Variants in IL1RL2 observed in about 807,000 individuals in gnomAD.
IL1RL2 encodes the protein interleukin 1 receptor like 2.
Under a neutral mutation model 66.8 loss-of-function variants are expected in IL1RL2, and 68 were observed. That is an observed-to-expected ratio of 1.02 (90% CI 0.84 to 1.25). The LOEUF is 1.25. IL1RL2 is among the 50% of genes most tolerant of loss of function. IL1RL2 has a pLI of 0.00. For synonymous variants in IL1RL2, 305 were observed against 264.6 expected (o/e 1.15, Z -1.48); for missense variants, 729 against 709.3 (o/e 1.03, Z -0.32).
chr2:102,223,349 G>T (rs1322879199), intron 8 of IL1RL2, among the ~76,000 whole-genome samples: 3 of 152,112 alleles, frequency 2.0e-5, no homozygotes, highest in Admixed American at 6.5e-5. Context: ...CTGAAGCAGG[G>T]TCTCTAGAAG....
At chr2:102,219,179 C>T in intron 7 of IL1RL2, 97 bp downstream of exon 7, 1 of 1,351,308 alleles carries the variant, frequency 7.4e-7, no homozygotes, top group Non-Finnish European at 1.1e-6. Context: ...CTTGTTTTTG[C>T]CTCTCAATGA....
intron 4 of IL1RL2, among the ~76,000 whole-genome samples, chr2:102,195,573 C>CT (rs1222806978): frequency 7.2e-5 from 1 of 13,922 alleles, no homozygotes; most frequent in African/African-American, 2.5e-4. Context: ...TTCTTTCTTT[C>CT]TTTCTTTCTT....
chr2:102,212,254 T>G, intron 6 of IL1RL2, 80 bp downstream of exon 6: 1 of 1,042,394 alleles, frequency 9.6e-7, no homozygotes, highest in Admixed American at 1.8e-5. Context: ...ATATTTTGAA[T>G]GTTAAGGATG....
chr2:102,227,007 G>A (rs903667821), intron 9 of IL1RL2, among the ~76,000 whole-genome samples: 1 of 152,218 alleles, frequency 6.6e-6, no homozygotes, highest in African/African-American at 2.4e-5. Flanking sequence ...GTTTGGCATA[G>A]AAATGCCTCA....
intron 11 of IL1RL2, among the ~76,000 whole-genome samples, chr2:102,236,390 C>G (rs189272372): frequency 1.3e-5 from 2 of 152,062 alleles, no homozygotes; most frequent in Non-Finnish European, 2.9e-5. Context: ...GCTGTGCCCT[C>G]GTTCACAGGC....
intron 2 of IL1RL2, 74 bp from the exon 3 acceptor site, chr2:102,189,001 TA>T (rs34996385): frequency 0.011 from 12,862 of 1,125,804 alleles, 245 homozygotes; most frequent in African/African-American, 0.076. Flanking sequence ...AAGAGGCATT[TA>T]AAAAAACTAA....
At chr2:102,231,700 T>C (rs1162852322) in intron 9 of IL1RL2, among the ~76,000 whole-genome samples, 1 of 152,196 alleles carries the variant, frequency 6.6e-6, no homozygotes, top group African/African-American at 2.4e-5. Flanking sequence ...TGAGGTCTTG[T>C]TCATCTCTTC....
chr2:102,187,482 G>C (rs1453011357), intron 1 of IL1RL2: 2 of 826,646 alleles, frequency 2.4e-6, no homozygotes, highest in Non-Finnish European at 3.2e-6. Flanking sequence ...CCCACGTCTG[G>C]AACCCAGGCC....
At chr2:102,234,238 A>G (rs888157729) in intron 10 of IL1RL2, among the ~76,000 whole-genome samples, 2 of 152,218 alleles carry the variant, frequency 1.3e-5, no homozygotes, top group Admixed American at 1.3e-4. Flanking sequence ...TTTAAAATCT[A>G]TTTTTAAAAA....
At chr2:102,236,139 A>T (rs572530738) in intron 11 of IL1RL2, among the ~76,000 whole-genome samples, 9 of 152,326 alleles carry the variant, frequency 5.9e-5, no homozygotes, top group African/African-American at 2.2e-4. Flanking sequence ...AAGGTTTTTA[A>T]TACTAAAAAT....
At chr2:102,187,160 A>G (rs961082075) in intron 1 of IL1RL2, 74 bp downstream of exon 1, 2 of 1,265,644 alleles carry the variant, frequency 1.6e-6, no homozygotes, top group Non-Finnish European at 2.1e-6. Flanking sequence ...TGTGCAGGAA[A>G]AGACGTGGCA....
intron 1 of IL1RL2, 83 bp downstream of exon 1, chr2:102,187,169 C>A: frequency 7.9e-7 from 1 of 1,258,578 alleles, no homozygotes; most frequent in Non-Finnish European, 1.0e-6. Context: ...AAAGACGTGG[C>A]AACAATGTGT....
intron 4 of IL1RL2, among the ~76,000 whole-genome samples, chr2:102,195,649 T>TCTCTC (rs1559530498): frequency 1.0e-4 from 2 of 20,034 alleles, no homozygotes; most frequent in African/African-American, 1.3e-4. Context: ...CTCTCTCTCT[T>TCTCTC]TCTTTCTTTC....
At chr2:102,206,778 G>A (rs546999977) in intron 5 of IL1RL2, among the ~76,000 whole-genome samples, 6 of 152,350 alleles carry the variant, frequency 3.9e-5, no homozygotes, top group Admixed American at 2.0e-4. Context: ...ACAATCAGCC[G>A]GTGGCAAAGC....
rs1468948006 is a variant in IL1RL2, at chr2:102,239,193, C to T, written c.1680C>T (p.Gly560=). 2.5e-6 allele frequency: 4 copies of T among 1,613,744 alleles called. No individual in the cohort carries two copies. Among genetic ancestry groups the T allele is most frequent in the Non-Finnish European group, 3.4e-6 (4 of 1,179,784 alleles). The change falls in exon 12 of 12, where the codon GGC becomes GGT. Residue 560 remains glycine (G), a splice_region_variant and synonymous_variant. Transcript: ENST00000264257. ...TAAATAGATCTTTCCTGATTTCAGG[C>T]CCAGAACTAGGCTCAAGAAGAAAGA... ...LQHTPCYRTA[G]PELGSRRKKC...
chr2:102,192,248 A>G, intron 4 of IL1RL2, 128 bp downstream of exon 4: 2 of 563,968 alleles, frequency 3.5e-6, no homozygotes, highest in Non-Finnish European at 6.1e-6. Flanking sequence ...TAGATTAGTT[A>G]GCTAGCAGTC....
chr2:102,218,942 GT>G lies in IL1RL2; in HGVS notation c.725-3del, dbSNP rs774780732. ...TTTTCATTGAATATTGATGATATTG[GT>G]TTTTTTTAGGTACCACTCTGATTGT... On this transcript the variant is annotated splice_polypyrimidine_tract_variant and intron_variant, in intron 6 of 11. Transcript: ENST00000264257. 11 of 1,602,164 alleles carry G rather than the reference GT, an allele frequency of 6.9e-6. No homozygotes were observed. The highest frequency in any genetic ancestry group is 9.4e-6 in the Non-Finnish European group (11 of 1,172,432).
intron 9 of IL1RL2, among the ~76,000 whole-genome samples, chr2:102,230,109 A>G (rs1445038108): frequency 6.6e-6 from 1 of 152,220 alleles, no homozygotes. Context: ...TTTACCAGAG[A>G]GGTTATTCTC....
chr2:102,222,771 T>C (rs968242425), intron 8 of IL1RL2, among the ~76,000 whole-genome samples: 2 of 152,152 alleles, frequency 1.3e-5, no homozygotes, highest in South Asian at 2.1e-4. Flanking sequence ...ACAGCAGAAA[T>C]GCAGCCTCGC....
Sources: gnomAD v4.1 joint callset for allele counts (sites outside exome capture counted in the v4.1 genomes callset) on GRCh38, gnomAD v4.1.1 for gene constraint, MANE v1.5 for transcripts, NCBI Gene and HGNC (gene_info 2026-07-23, HGNC 2026-07-21) for gene names.